The following TRPM3 variants were observed in gnomAD, a reference collection of about 807,000 sequenced individuals.
TRPM3 encodes long transient receptor potential channel 3.
Under a neutral mutation model 181.2 loss-of-function variants are expected in TRPM3, and 77 were observed. The ratio of observed to expected loss-of-function variants is 0.42; its 90% CI spans 0.35 to 0.51. The LOEUF (loss-of-function observed/expected upper bound fraction) is 0.51. TRPM3 is among the 20% of genes least tolerant of loss of function. The pLI, the probability that TRPM3 is intolerant of heterozygous loss-of-function variation, is 0.01. For synonymous variants in TRPM3, 745 were observed against 796.4 expected (o/e 0.94, Z 1.09); for missense variants, 1,759 against 2,196.7 (o/e 0.80, Z 3.98).
chr9:71,279,410 CA>C, intron 1 of TRPM3, among the ~76,000 whole-genome samples: 1 of 152,244 alleles, frequency 6.6e-6, no homozygotes, highest in Admixed American at 6.5e-5. Flanking sequence ...GTCCATCTGG[CA>C]GTTTTGAAAA....
intron 6 of TRPM3, among the ~76,000 whole-genome samples, chr9:70,801,088 G>A (rs1443343614): frequency 6.6e-6 from 1 of 152,212 alleles, no homozygotes; most frequent in African/African-American, 2.4e-5. Context: ...ATACTTGCAA[G>A]TGAAGGGGTC....
intron 4 of TRPM3, 152 bp downstream of exon 4, chr9:70,846,226 T>C: frequency 1.4e-6 from 1 of 693,104 alleles, no homozygotes; most frequent in Non-Finnish European, 2.5e-6. Flanking sequence ...AGTTCTCATT[T>C]AGATAAAGGA....
At chr9:70,806,857 C>A (rs1299017015) in intron 6 of TRPM3, among the ~76,000 whole-genome samples, 2 of 152,108 alleles carry the variant, frequency 1.3e-5, no homozygotes, top group African/African-American at 4.8e-5. Flanking sequence ...AATGACTTGA[C>A]ATGATCTAAA....
chr9:70,938,226 C>A (rs2096848230), intron 1 of TRPM3, among the ~76,000 whole-genome samples: 1 of 152,168 alleles, frequency 6.6e-6, no homozygotes, highest in Non-Finnish European at 1.5e-5. Flanking sequence ...GAGCTCTAGA[C>A]AGGTTCCACA....
chr9:71,274,746 G>T (rs1260604688), intron 1 of TRPM3, among the ~76,000 whole-genome samples: 3 of 152,162 alleles, frequency 2.0e-5, no homozygotes, highest in Admixed American at 2.0e-4. Context: ...TGTATGCAAG[G>T]CATGCCACTT....
chr9:71,209,795 A>C (rs889505232), intron 1 of TRPM3, among the ~76,000 whole-genome samples: 3 of 152,346 alleles, frequency 2.0e-5, no homozygotes, highest in Admixed American at 6.5e-5. Flanking sequence ...TTTAAATGTC[A>C]ATGACCGTCA....
chr9:71,323,210 T>C (rs2089401799), intron 1 of TRPM3, among the ~76,000 whole-genome samples: 1 of 152,118 alleles, frequency 6.6e-6, no homozygotes, highest in African/African-American at 2.4e-5. Context: ...CCTTCATGTG[T>C]TACAGCACAG....
intron 5 of TRPM3, among the ~76,000 whole-genome samples, chr9:70,835,431 G>A (rs2094250436): frequency 6.6e-6 from 1 of 151,908 alleles, no homozygotes; most frequent in Admixed American, 6.6e-5. Flanking sequence ...ACTGGTGGAT[G>A]CATCATAGTT....
At chr9:70,668,481 A>G (rs1044375952) in intron 9 of TRPM3, among the ~76,000 whole-genome samples, 2 of 151,848 alleles carry the variant, frequency 1.3e-5, no homozygotes, top group Non-Finnish European at 2.9e-5. Context: ...TGGCTAACAC[A>G]GTGAAACCCC....
At chr9:70,871,202 A>G (rs565779374) in intron 1 of TRPM3, among the ~76,000 whole-genome samples, 256 of 152,094 alleles carry the variant, frequency 1.7e-3, no homozygotes, top group African/African-American at 5.7e-3. Flanking sequence ...ACACTGAGCT[A>G]GTAGGCTGTA....
At chr9:70,757,089 C>G (rs111765289) in intron 8 of TRPM3, among the ~76,000 whole-genome samples, 27,571 of 151,704 alleles carry the variant, frequency 0.18, 2,733 homozygotes, top group South Asian at 0.29. Context: ...GACTGCTAGA[C>G]AGACTAATAA....
At chr9:71,153,030 G>A (rs1370758319) in intron 1 of TRPM3, among the ~76,000 whole-genome samples, 1 of 152,044 alleles carries the variant, frequency 6.6e-6, no homozygotes, top group African/African-American at 2.4e-5. Context: ...TGCCATTACA[G>A]CATTTCATAT....
chr9:71,315,709 A>G (rs1314674620), intron 1 of TRPM3, among the ~76,000 whole-genome samples: 2 of 152,184 alleles, frequency 1.3e-5, no homozygotes, highest in Admixed American at 6.5e-5. Flanking sequence ...AACAAAGAGG[A>G]TATTATCCAG....
At chr9:70,563,452 A>C (rs549377427) in intron 22 of TRPM3, among the ~76,000 whole-genome samples, 6 of 152,352 alleles carry the variant, frequency 3.9e-5, no homozygotes, top group Admixed American at 3.9e-4. Context: ...TACGTCCTTC[A>C]GGCTGACAAA....
At chr9:71,183,087 G>A (rs1346045291) in intron 1 of TRPM3, among the ~76,000 whole-genome samples, 1 of 152,108 alleles carries the variant, frequency 6.6e-6, no homozygotes, top group African/African-American at 2.4e-5. Flanking sequence ...TACCAGACAA[G>A]GTAGTAAATA....
intron 15 of TRPM3, among the ~76,000 whole-genome samples, chr9:70,621,013 T>C (rs960882243): frequency 6.8e-6 from 1 of 146,902 alleles, no homozygotes; most frequent in Admixed American, 6.9e-5. Context: ...ACACATTATA[T>C]ATATATATTA....
intron 9 of TRPM3, among the ~76,000 whole-genome samples, chr9:70,660,562 G>T (rs2060983621): frequency 1.3e-5 from 2 of 151,992 alleles, no homozygotes; most frequent in African/African-American, 2.4e-5. Flanking sequence ...CTAAGACTGT[G>T]TCATGGGCAC....
chr9:71,416,489 G>A (rs1266867920), intron 1 of TRPM3, among the ~76,000 whole-genome samples: 2 of 151,816 alleles, frequency 1.3e-5, no homozygotes, highest in African/African-American at 4.8e-5. Context: ...TTTGCCATAA[G>A]TAGAAAATAT....
intron 5 of TRPM3, 104 bp downstream of exon 5, chr9:70,842,899 C>T (rs898206113): frequency 8.6e-7 from 1 of 1,165,328 alleles, no homozygotes; most frequent in Non-Finnish European, 1.2e-6. Flanking sequence ...GAGTAGAGAC[C>T]CAAAGAATAC....
Sources: allele counts gnomAD v4.1 joint callset (sites outside exome capture counted in the v4.1 genomes callset), GRCh38; gene constraint gnomAD v4.1.1; transcripts MANE v1.5; gene names NCBI Gene and HGNC (gene_info 2026-07-23, HGNC 2026-07-21).